The following NRXN3 variants were observed in gnomAD, a reference collection of about 807,000 sequenced individuals.
The protein encoded by NRXN3 is neurexin III.
Under a neutral mutation model 137.6 loss-of-function variants are expected in NRXN3, and 32 were observed. That is an observed-to-expected ratio of 0.23 (90% CI 0.18 to 0.31). The LOEUF (loss-of-function observed/expected upper bound fraction) is 0.31. NRXN3 is among the 10% of genes least tolerant of loss of function. NRXN3 has a pLI of 1.00. For synonymous variants in NRXN3, 798 were observed against 784.5 expected (o/e 1.02, Z -0.29); for missense variants, 1,574 against 2,062.5 (o/e 0.76, Z 4.59).
intron 15 of NRXN3, among the ~76,000 whole-genome samples, chr14:79,376,945 T>C (rs1018472097): frequency 2.0e-5 from 3 of 152,214 alleles, no homozygotes; most frequent in African/African-American, 7.2e-5. Context: ...TTAGTTGTAG[T>C]TATTTTAAAT....
chr14:79,049,022 CAAAAAAAAAAAA>C (rs1171306670), intron 15 of NRXN3, among the ~76,000 whole-genome samples: 3 of 29,472 alleles, frequency 1.0e-4, no homozygotes, highest in Admixed American at 7.3e-4. Context: ...AACTCCGTCT[CAAAAAAAAAAAA>C]AAAAAAAAAA....
chr14:78,892,495 T>C (rs921821777), intron 10 of NRXN3, among the ~76,000 whole-genome samples: 1 of 151,630 alleles, frequency 6.6e-6, no homozygotes, highest in Non-Finnish European at 1.5e-5. Context: ...CTGAAAGACA[T>C]TGGCAGTCAT....
At chr14:78,518,876 G>A (rs2096248955) in intron 4 of NRXN3, among the ~76,000 whole-genome samples, 1 of 151,816 alleles carries the variant, frequency 6.6e-6, no homozygotes, top group Non-Finnish European at 1.5e-5. Context: ...GTGATGGGTT[G>A]TCCCATTTGA....
chr14:78,997,012 A>C (rs909982871), intron 15 of NRXN3, among the ~76,000 whole-genome samples: 1 of 152,124 alleles, frequency 6.6e-6, no homozygotes, highest in Non-Finnish European at 1.5e-5. Flanking sequence ...AGTTCCATCA[A>C]TATTAAGAAG....
At chr14:78,346,725 C>T (rs192692286) in intron 4 of NRXN3, among the ~76,000 whole-genome samples, 2 of 152,302 alleles carry the variant, frequency 1.3e-5, no homozygotes, top group Non-Finnish European at 2.9e-5. Flanking sequence ...ACCTAACCCA[C>T]CATGCCTCCA....
chr14:78,942,071 A>C (rs909092647), intron 10 of NRXN3, among the ~76,000 whole-genome samples: 1 of 152,202 alleles, frequency 6.6e-6, no homozygotes, highest in African/African-American at 2.4e-5. Context: ...GTCTTAATGG[A>C]AAGTGTGATG....
chr14:79,744,402 A>T (rs965348217), intron 19 of NRXN3, among the ~76,000 whole-genome samples: 2 of 139,124 alleles, frequency 1.4e-5, no homozygotes, highest in African/African-American at 2.7e-5. Flanking sequence ...CTTTCTATCC[A>T]CTTAGATGTT....
chr14:78,903,147 C>CTTTTTTTTTTTTTTT (rs965920523), intron 10 of NRXN3, among the ~76,000 whole-genome samples: 1 of 121,540 alleles, frequency 8.2e-6, no homozygotes, highest in East Asian at 2.6e-4. Flanking sequence ...GTTTCATCTT[C>CTTTTTTTTTTTTTTT]TTTTTTTTTT....
intron 17 of NRXN3, among the ~76,000 whole-genome samples, chr14:79,671,498 C>A (rs891465868): frequency 2.0e-5 from 3 of 152,030 alleles, no homozygotes; most frequent in Admixed American, 2.0e-4. Context: ...CCTCTGGAAG[C>A]CTTGTCAGCC....
At chr14:78,248,202 C>T (rs1272072333) in intron 2 of NRXN3, among the ~76,000 whole-genome samples, 1 of 151,118 alleles carries the variant, frequency 6.6e-6, no homozygotes, top group African/African-American at 2.4e-5. Context: ...TGTTGGAATC[C>T]TCTAGTGAAG....
intron 16 of NRXN3, among the ~76,000 whole-genome samples, chr14:79,537,354 A>G (rs1348149169): frequency 6.6e-6 from 1 of 151,778 alleles, no homozygotes; most frequent in African/African-American, 2.4e-5. Flanking sequence ...GGTTAGTTAC[A>G]TATGTATACA....
At chr14:79,754,503 GATAT>G (rs57962525) in intron 19 of NRXN3, among the ~76,000 whole-genome samples, 22 of 44,174 alleles carry the variant, frequency 5.0e-4, no homozygotes, top group Non-Finnish European at 9.3e-4. Flanking sequence ...ACTCTCTCTT[GATAT>G]ATATATATAT....
chr14:78,572,418 C>A (rs1417741997), intron 4 of NRXN3, among the ~76,000 whole-genome samples: 1 of 152,138 alleles, frequency 6.6e-6, no homozygotes, highest in African/African-American at 2.4e-5. Flanking sequence ...GATGCCAGGG[C>A]CCTCTATGGC....
chr14:79,769,835 G>C (rs2099070691), intron 19 of NRXN3, among the ~76,000 whole-genome samples: 1 of 152,114 alleles, frequency 6.6e-6, no homozygotes, highest in East Asian at 1.9e-4. Flanking sequence ...TGGCAAATTG[G>C]TTAAAGAGTC....
chr14:78,485,956 A>G (rs2153744909), intron 4 of NRXN3, among the ~76,000 whole-genome samples: 1 of 152,306 alleles, frequency 6.6e-6, no homozygotes, highest in Admixed American at 6.5e-5. Flanking sequence ...ATGACAGCTT[A>G]TATCTTTTTG....
At chr14:79,266,184 T>C (rs2078440498) in intron 15 of NRXN3, among the ~76,000 whole-genome samples, 1 of 152,202 alleles carries the variant, frequency 6.6e-6, no homozygotes, top group South Asian at 2.1e-4. Flanking sequence ...CAGATATTTT[T>C]GATTCCTAAA....
chr14:79,139,717 G>C (rs1013084167), intron 15 of NRXN3, among the ~76,000 whole-genome samples: 8 of 151,810 alleles, frequency 5.3e-5, no homozygotes, highest in Admixed American at 2.0e-4. Context: ...AGAATTTCCA[G>C]TAATGCATAC....
At chr14:79,239,003 G>A (rs2073872875) in intron 15 of NRXN3, among the ~76,000 whole-genome samples, 1 of 152,046 alleles carries the variant, frequency 6.6e-6, no homozygotes, top group South Asian at 2.1e-4. Flanking sequence ...ACTTTTCCAT[G>A]GGGGAAATGA....
intron 1 of NRXN3, among the ~76,000 whole-genome samples, chr14:78,190,652 T>TTTATTTATTTATTTATTTAC (rs1295446008): frequency 1.6e-4 from 11 of 67,464 alleles, no homozygotes; most frequent in African/African-American, 6.6e-4. Flanking sequence ...TATTTATTTA[T>TTTATTTATTTATTTATTTAC]TTACTTACTT....
Sources: gnomAD v4.1 joint callset for allele counts (sites outside exome capture counted in the v4.1 genomes callset) on GRCh38, gnomAD v4.1.1 for gene constraint, MANE v1.5 for transcripts, NCBI Gene and HGNC (gene_info 2026-07-23, HGNC 2026-07-21) for gene names.